ZFHX3: variants seen among roughly 807,000 people sequenced by gnomAD.
ZFHX3 encodes zinc finger homeobox 3.
ZFHX3 carries 42 observed loss-of-function variants against 279.1 expected under a neutral mutation model. The ratio of observed to expected loss-of-function variants is 0.15; its 90% CI spans 0.12 to 0.19. The LOEUF (loss-of-function observed/expected upper bound fraction) is 0.19. ZFHX3 is among the 10% of genes least tolerant of loss of function. ZFHX3 has a pLI of 1.00. For synonymous variants in ZFHX3, 2,293 were observed against 1,957.8 expected, an observed-to-expected ratio of 1.17 and a Z score of -4.52; for missense variants, 4,981 against 4,754.0, an observed-to-expected ratio of 1.05 and a Z score of -1.40.
At chr16:73,443,010 G>A (rs972444568) in intron 3 of ZFHX3, among the ~76,000 whole-genome samples, 3 of 152,122 alleles carry the variant, frequency 2.0e-5, no homozygotes, top group African/African-American at 4.8e-5. Context: ...TATTGGATTA[G>A]GGCCCACCCT....
At chr16:73,867,493 A>G (rs973258051) in intron 1 of ZFHX3, among the ~76,000 whole-genome samples, 9 of 152,300 alleles carry the variant, frequency 5.9e-5, no homozygotes, top group East Asian at 1.9e-4. Flanking sequence ...GTCAATCACA[A>G]TCTCAGACAA....
chr16:73,848,305 C>T (rs1204283405), intron 1 of ZFHX3, among the ~76,000 whole-genome samples: 1 of 152,052 alleles, frequency 6.6e-6, no homozygotes, highest in Non-Finnish European at 1.5e-5. Context: ...TTCCTATTTC[C>T]AGTCTTATTT....
intron 2 of ZFHX3, chr16:73,609,758 A>G (rs1404852520): frequency 2.0e-5 from 3 of 152,170 alleles, no homozygotes; most frequent in Non-Finnish European, 2.9e-5. Context: ...GACATGCCAG[A>G]TAAGAACAGC....
chr16:73,078,973 G>T (rs1014067410), intron 8 of ZFHX3, among the ~76,000 whole-genome samples: 14 of 152,070 alleles, frequency 9.2e-5, no homozygotes, highest in Non-Finnish European at 2.1e-4. Context: ...AGATTGGAAT[G>T]AACTTCAACT....
intron 5 of ZFHX3, among the ~76,000 whole-genome samples, chr16:72,816,050 C>T (rs2036596258): frequency 6.6e-6 from 1 of 152,112 alleles, no homozygotes; most frequent in Non-Finnish European, 1.5e-5. Flanking sequence ...TGTGTATTAT[C>T]CCATGTTACA....
intron 8 of ZFHX3, among the ~76,000 whole-genome samples, chr16:73,089,343 A>T (rs1966044947): frequency 6.6e-6 from 1 of 152,128 alleles, no homozygotes; most frequent in Non-Finnish European, 1.5e-5. Flanking sequence ...ACCTCAGGTG[A>T]TCCACGTAAA....
At chr16:73,776,581 G>A (rs1012069645) in intron 1 of ZFHX3, among the ~76,000 whole-genome samples, 19 of 152,196 alleles carry the variant, frequency 1.2e-4, no homozygotes, top group African/African-American at 4.3e-4. Flanking sequence ...GCAATAGACA[G>A]AAATGAAATT....
chr16:73,093,858 G>C lies in ZFHX3; in HGVS notation c.-896-260C>G, dbSNP rs1003868368. 7 of 287,722 alleles carry C rather than the reference G, an allele frequency of 2.4e-5. No homozygotes were observed. The Admixed American group carries it at 2.6e-4, about 11-fold the overall frequency. The allele number at this position is 287,722 out of a possible 1,614,324, so 17.8% of individuals were successfully genotyped here. On this transcript the variant is annotated intron_variant, in intron 7 of 17. Coordinates refer to the ZFHX3 transcript ENST00000641206. ...AGGCGGGAAAAGAAAATGAATTTTA[G>C]GGCTTAGAAAAACAAGCTACTAATA...
intron 2 of ZFHX3, among the ~76,000 whole-genome samples, chr16:73,565,639 C>T (rs954605881): frequency 9.2e-5 from 14 of 152,188 alleles, no homozygotes; most frequent in Non-Finnish European, 1.5e-5. Context: ...ATAAGGTCCC[C>T]TTAGGTTGTG....
chr16:72,826,583 C>A (rs1482754567), intron 5 of ZFHX3, among the ~76,000 whole-genome samples: 1 of 152,140 alleles, frequency 6.6e-6, no homozygotes, highest in Non-Finnish European at 1.5e-5. Flanking sequence ...AAGATCAAAT[C>A]GGCCCAAGTA....
intron 3 of ZFHX3, among the ~76,000 whole-genome samples, chr16:73,378,428 C>T (rs549434572): frequency 6.2e-4 from 94 of 152,240 alleles, no homozygotes; most frequent in African/African-American, 2.1e-3. Context: ...TGCTCTTTCT[C>T]ACACCACTCC....
At chr16:73,866,459 G>A (rs190086081) in intron 1 of ZFHX3, among the ~76,000 whole-genome samples, 20 of 151,874 alleles carry the variant, frequency 1.3e-4, no homozygotes, top group Non-Finnish European at 1.5e-4. Flanking sequence ...CACCACCCCC[G>A]GAAGAACACA....
chr16:73,239,359 T>C (rs2013049225), intron 5 of ZFHX3, among the ~76,000 whole-genome samples: 1 of 152,204 alleles, frequency 6.6e-6, no homozygotes, highest in Non-Finnish European at 1.5e-5. Flanking sequence ...TTGGAGTTAA[T>C]TAGAAGCTCT....
At chr16:73,261,843 T>A (rs12325512) in intron 4 of ZFHX3, among the ~76,000 whole-genome samples, 45,727 of 149,084 alleles carry the variant, frequency 0.31, 7,609 homozygotes, top group Non-Finnish European at 0.4. Context: ...GCTCGGCGAA[T>A]TTTTTATTTT....
In ZFHX3 at chr16:73,224,329, C is replaced by T. The variant is rs141831334; in HGVS notation, c.-1104+32718G>A. 6.5e-3 allele frequency among the ~76,000 whole-genome samples: 992 copies of T among 152,292 alleles called. 21 individuals are homozygous for T. The highest frequency in any genetic ancestry group is 0.023 in the African/African-American group (945 of 41,552). ...CCTGCTTCTCAATTTTGCTGTGAGCCTACACTGCTCGAAAGTGTATTACAA... is the reference window on the plus strand; with the variant it reads ...CCTGCTTCTCAATTTTGCTGTGAGCTTACACTGCTCGAAAGTGTATTACAA... On this transcript the variant is annotated intron_variant, in intron 5 of 17. Transcript: ENST00000641206.
chr16:73,680,137 T>C (rs778855248), intron 2 of ZFHX3: 4 of 152,192 alleles, frequency 2.6e-5, no homozygotes, highest in Non-Finnish European at 5.9e-5. Context: ...GAAAAGTCCA[T>C]GGATAACTTT....
intron 3 of ZFHX3, among the ~76,000 whole-genome samples, chr16:72,949,593 G>A (rs1960875637): frequency 6.6e-6 from 1 of 152,086 alleles, no homozygotes; most frequent in Non-Finnish European, 1.5e-5. Flanking sequence ...GGAAGGGCTG[G>A]GGGGAAAGCG....
intron 1 of ZFHX3, among the ~76,000 whole-genome samples, chr16:72,984,625 CAAA>C (rs60014247): frequency 7.5e-6 from 1 of 132,600 alleles, no homozygotes. Flanking sequence ...GACTCTGACT[CAAA>C]AAAAAAAAAA....
chr16:73,121,546 G>A (rs2144808822), intron 7 of ZFHX3, among the ~76,000 whole-genome samples: 1 of 151,918 alleles, frequency 6.6e-6, no homozygotes, highest in Non-Finnish European at 1.5e-5. Flanking sequence ...AGGCACAGTG[G>A]CCTTCTAACA....
Sources: gnomAD v4.1 joint callset for allele counts (sites outside exome capture counted in the v4.1 genomes callset) on GRCh38, gnomAD v4.1.1 for gene constraint, MANE v1.5 for transcripts, NCBI Gene and HGNC (gene_info 2026-07-23, HGNC 2026-07-21) for gene names.